Variants in PROSER3 observed in about 807,000 individuals in gnomAD.
PROSER3 encodes the protein proline and serine-rich protein 3.
In PROSER3, 33 loss-of-function variants were observed where a neutral mutation model predicts 50.2. That is an observed-to-expected ratio of 0.66 (90% CI 0.50 to 0.88). The LOEUF is 0.88. Among genes scored for constraint, PROSER3 ranks in the 40% least tolerant of loss-of-function variants. PROSER3 has a pLI of 0.00. For missense variants in PROSER3, 623 were observed against 612.7 expected (o/e 1.02, Z -0.18); for synonymous variants, 266 against 259.3 (o/e 1.03, Z -0.25).
chr19:35,764,823 G>C, intron 5 of PROSER3, 31 bp from the exon 6 acceptor site: 5 of 1,592,450 alleles, frequency 3.1e-6, no homozygotes, highest in Non-Finnish European at 4.3e-6. Flanking sequence ...CCTTTGGGTT[G>C]GGGCTGGCGT....
At chr19:35,768,961 C>T (rs1207787836) in exon 11 of PROSER3, 2 of 155,698 alleles carry the variant, frequency 1.3e-5, no homozygotes, top group Non-Finnish European at 2.8e-5. Context: ...TGACCCCTCC[C>T]TCCTTGAAGC....
At chr19:35,767,108 G>T in intron 8 of PROSER3, 1 of 1,037,164 alleles carries the variant, frequency 9.6e-7, no homozygotes, top group Non-Finnish European at 1.4e-6. Flanking sequence ...CAGTTCTCTG[G>T]GGACCCAGCC....
chr19:35,762,953 AC>A (rs201159726), intron 5 of PROSER3: 3,970 of 146,782 alleles, frequency 0.027, 65 homozygotes, highest in Middle Eastern at 0.058. Context: ...AATTGCTTGA[AC>A]CCGGGAGACG....
chr19:35,762,326 T>C (rs1207119076), exon 5 of PROSER3: 1 of 1,609,062 alleles, frequency 6.2e-7, no homozygotes. Context: ...GTGCATCCCA[T>C]GCTGTGGCTC....
rs1317250105 is a variant in PROSER3 at position 35,765,244 on chromosome 19, A to G, written c.769+68A>G. 12 of 1,537,440 alleles carry G rather than the reference A, an allele frequency of 7.8e-6. No individual in the cohort carries two copies. The Admixed American group carries it at 1.4e-4, about 19-fold the overall frequency. On this transcript the variant is annotated intron_variant, in intron 7 of 10. Transcript: ENST00000396908. ...ATCCCAACTCTGCCACTGACCAGCT[A>G]TGGGACTTTGGGCCTCTCTGGGCCT...
intron 7 of PROSER3, among the ~76,000 whole-genome samples, chr19:35,765,581 AAAAT>A (rs911531513): frequency 6.6e-6 from 1 of 152,082 alleles, no homozygotes; most frequent in South Asian, 2.1e-4. Flanking sequence ...CTCCATCTCA[AAAAT>A]AAATAAATAA....
intron 7 of PROSER3, among the ~76,000 whole-genome samples, 188 bp from the exon 8 acceptor site, chr19:35,766,580 C>G (rs1330210662): frequency 1.3e-5 from 2 of 151,986 alleles, no homozygotes; most frequent in Admixed American, 1.3e-4. Context: ...TGGAGAAGAC[C>G]AGGAGTGCTC....
intron 3 of PROSER3, among the ~76,000 whole-genome samples, chr19:35,760,358 C>T (rs1340507341): frequency 1.3e-5 from 2 of 152,168 alleles, no homozygotes; most frequent in African/African-American, 4.8e-5. Flanking sequence ...GCTGGGATTA[C>T]GATGCATGCC....
At chr19:35,762,732 A>T (rs866936175) in intron 5 of PROSER3, 14,649 of 87,016 alleles carry the variant, frequency 0.17, 853 homozygotes, top group African/African-American at 0.27. Context: ...TCTCTATTTA[A>T]AAAAAAAAAA....
chr19:35,762,483 A>G, intron 5 of PROSER3, 127 bp downstream of exon 5: 1 of 815,738 alleles, frequency 1.2e-6, no homozygotes, highest in East Asian at 3.1e-5. Context: ...CCAAGGTGAG[A>G]GGACTGCTTG....
exon 8 of PROSER3, chr19:35,766,924 T>C (rs779238308): frequency 3.2e-6 from 5 of 1,554,476 alleles, no homozygotes; most frequent in Admixed American, 1.9e-5. Flanking sequence ...AGAGCTTGGG[T>C]GCCGCCTCTG....
At chr19:35,767,087 G>A in intron 8 of PROSER3, 2 of 1,169,846 alleles carry the variant, frequency 1.7e-6, no homozygotes, top group Non-Finnish European at 2.3e-6. Flanking sequence ...TCCTGCTCCA[G>A]TGGAGACCCT....
At chr19:35,765,222 C>T (rs961693799) in intron 7 of PROSER3, 46 bp downstream of exon 7, 12 of 1,584,682 alleles carry the variant, frequency 7.6e-6, no homozygotes, top group Non-Finnish European at 1.0e-5. Flanking sequence ...GGTGCAAATC[C>T]CAACTCTGCC....
rs1190755770 is a variant in PROSER3, at chr19:35,764,941, C to T, written c.626+5C>T. ...TGCCAGGCTGCTCAAACGCAGGTGC[C>T]CGCACCCCTGCCCCCATCACCCTTC... On this transcript the variant is annotated splice_donor_5th_base_variant and intron_variant, in intron 6 of 10. Transcript: ENST00000396908. 2 of 1,613,514 alleles carry T rather than the reference C, an allele frequency of 1.2e-6. No individual in the cohort carries two copies. Among genetic ancestry groups the T allele is most frequent in the Non-Finnish European group, 1.7e-6 (2 of 1,179,798 alleles).
At chr19:35,765,616 T>C (rs775626113) in intron 7 of PROSER3, among the ~76,000 whole-genome samples, 42 of 151,760 alleles carry the variant, frequency 2.8e-4, no homozygotes, top group Non-Finnish European at 5.6e-4. Context: ...CATAGTCCAA[T>C]TGCTGGGCTC....
In PROSER3 at chr19:35,768,386, C is replaced by G. The variant is rs1238254177; in HGVS notation, c.1302-18C>G. ...CTGAGCACATACCCCAGCCTCTGCT[C>G]TCCCGGCCTTTCTCCAGGGAAGCGG... On this transcript the variant is annotated intron_variant, in intron 10 of 10. Coordinates refer to ENST00000396908, the Ensembl canonical transcript of PROSER3. 4 of 1,592,962 alleles carry G rather than the reference C, an allele frequency of 2.5e-6. No homozygotes were observed. Among genetic ancestry groups the G allele is most frequent in the Non-Finnish European group, 3.4e-6 (4 of 1,176,424 alleles).
At chr19:35,770,306 A>G (rs944071687), downstream of PROSER3, among the ~76,000 whole-genome samples, 3 of 151,790 alleles carry the variant, frequency 2.0e-5, no homozygotes, top group Non-Finnish European at 4.4e-5. Context: ...CCAAAGTGCT[A>G]GGATTACAGA....
chr19:35,759,990 A>C (rs749322862), exon 3 of PROSER3: 2 of 1,582,570 alleles, frequency 1.3e-6, no homozygotes, highest in Non-Finnish European at 1.7e-6. Flanking sequence ...CGTGGTGGCC[A>C]AGTAAGTACC....
At chr19:35,767,027 C>T in intron 8 of PROSER3, 45 bp from the exon 9 acceptor site, 1 of 1,373,220 alleles carries the variant, frequency 7.3e-7, no homozygotes, top group Non-Finnish European at 9.5e-7. Flanking sequence ...TGAGGACCCT[C>T]CACCCTCTCT....
Sources: allele counts gnomAD v4.1 joint callset (sites outside exome capture counted in the v4.1 genomes callset), GRCh38; gene constraint gnomAD v4.1.1; transcripts MANE v1.5; gene names NCBI Gene and HGNC (gene_info 2026-07-23, HGNC 2026-07-21).